The following FRMD3 variants were observed in gnomAD, a reference collection of about 807,000 sequenced individuals.
FRMD3 encodes the protein FERM domain-containing protein 3.
A neutral mutation model predicts 70.2 loss-of-function variants in FRMD3; 33 were observed. That is an observed-to-expected ratio of 0.47 (90% CI 0.36 to 0.63). FRMD3 has a LOEUF of 0.63. Among genes scored for constraint, FRMD3 ranks in the 20% least tolerant of loss-of-function variants. FRMD3 has a pLI of 0.00. For missense variants in FRMD3, 632 were observed against 711.4 expected, an observed-to-expected ratio of 0.89 and a Z score of 1.27; for synonymous variants, 279 against 255.9, an observed-to-expected ratio of 1.09 and a Z score of -0.86.
chr9:83,255,180 CCA>C (rs371832157), intron 13 of FRMD3, among the ~76,000 whole-genome samples: 124 of 152,240 alleles, frequency 8.1e-4, no homozygotes, highest in African/African-American at 2.9e-3. Flanking sequence ...GGCTTATCCA[CCA>C]CAGTCAAGTT....
chr9:83,327,075 T>G (rs1836047391), intron 6 of FRMD3, among the ~76,000 whole-genome samples: 1 of 152,228 alleles, frequency 6.6e-6, no homozygotes, highest in Admixed American at 6.5e-5. Context: ...AGCAATGAGC[T>G]GGACTGCTTG....
intron 1 of FRMD3, among the ~76,000 whole-genome samples, chr9:83,397,853 G>A (rs1451988486): frequency 1.3e-5 from 2 of 152,138 alleles, no homozygotes; most frequent in Non-Finnish European, 2.9e-5. Context: ...TCCATGAGGA[G>A]CTTCAAACCA....
At chr9:83,269,577 C>T (rs1199009211) in intron 13 of FRMD3, among the ~76,000 whole-genome samples, 7 of 152,110 alleles carry the variant, frequency 4.6e-5, no homozygotes, top group South Asian at 2.1e-4. Context: ...GGCGTGGTGG[C>T]GGGCACCTGT....
intron 13 of FRMD3, among the ~76,000 whole-genome samples, chr9:83,277,744 T>A (rs2118875713): frequency 6.6e-6 from 1 of 152,318 alleles, no homozygotes; most frequent in Middle Eastern, 3.4e-3. Context: ...AGGAGAATAT[T>A]CTACTTGTAT....
intron 4 of FRMD3, among the ~76,000 whole-genome samples, chr9:83,344,824 A>AGTGT (rs35538787): frequency 0.028 from 4,012 of 144,020 alleles, 153 homozygotes; most frequent in African/African-American, 0.084. Flanking sequence ...TGCATGTGTG[A>AGTGT]GTGTGTGTGT....
chr9:83,264,634 A>G (rs1332535460), intron 13 of FRMD3, among the ~76,000 whole-genome samples: 1 of 152,236 alleles, frequency 6.6e-6, no homozygotes, highest in Non-Finnish European at 1.5e-5. Flanking sequence ...TTCTAAAAGT[A>G]TAACTTCCTT....
chr9:83,549,439 G>A, the FRMD3 span, among the ~76,000 whole-genome samples: 4 of 152,120 alleles, frequency 2.6e-5, no homozygotes, highest in Non-Finnish European at 5.9e-5. Flanking sequence ...CTTTATGGTA[G>A]AATGCTTTAT....
chr9:83,294,280 G>A (rs1834568132), intron 12 of FRMD3, among the ~76,000 whole-genome samples: 1 of 152,196 alleles, frequency 6.6e-6, no homozygotes, highest in Non-Finnish European at 1.5e-5. Context: ...CTGGTGTCTT[G>A]ATCTTGGACT....
intron 10 of FRMD3, among the ~76,000 whole-genome samples, chr9:83,301,961 A>C (rs1015943668): frequency 1.3e-5 from 2 of 152,236 alleles, no homozygotes; most frequent in African/African-American, 2.4e-5. Flanking sequence ...GCCTCAGAGC[A>C]TTCCCACGAA....
the FRMD3 span, among the ~76,000 whole-genome samples, chr9:83,562,760 C>T: frequency 6.6e-6 from 1 of 152,062 alleles, no homozygotes; most frequent in Non-Finnish European, 1.5e-5. Flanking sequence ...GTTAAACTTG[C>T]AATACTAATA....
At chr9:83,449,576 C>T (rs1483221151) in intron 1 of FRMD3, among the ~76,000 whole-genome samples, 1 of 152,192 alleles carries the variant, frequency 6.6e-6, no homozygotes, top group African/African-American at 2.4e-5. Flanking sequence ...AGAACCCAGG[C>T]CTCTGGCTCC....
intron 1 of FRMD3, among the ~76,000 whole-genome samples, chr9:83,396,610 A>C (rs1825817989): frequency 6.6e-6 from 1 of 152,154 alleles, no homozygotes; most frequent in Non-Finnish European, 1.5e-5. Flanking sequence ...ATACTTTACG[A>C]GGGCTTCTGG....
intron 3 of FRMD3, chr9:83,350,768 G>C (rs1388812297): frequency 2.0e-6 from 2 of 979,520 alleles, no homozygotes; most frequent in Non-Finnish European, 2.4e-6. Context: ...CATGATTCTG[G>C]AGTGTTCTAA....
At chr9:83,447,555 A>G (rs1366883796) in intron 1 of FRMD3, among the ~76,000 whole-genome samples, 1 of 150,200 alleles carries the variant, frequency 6.7e-6, no homozygotes, top group Non-Finnish European at 1.5e-5. Context: ...GAGTTCTGTC[A>G]TGGGGGCAGT....
chr9:83,470,125 AG>A (rs1828232974), intron 1 of FRMD3, among the ~76,000 whole-genome samples: 1 of 152,212 alleles, frequency 6.6e-6, no homozygotes, highest in Non-Finnish European at 1.5e-5. Flanking sequence ...TTTTTAAATA[AG>A]GAGAGGTTCT....
At chr9:83,357,289 A>G (rs1231255927) in intron 3 of FRMD3, among the ~76,000 whole-genome samples, 1 of 82,968 alleles carries the variant, frequency 1.2e-5, no homozygotes, top group East Asian at 4.5e-4. Context: ...ATATATATAT[A>G]TATATATAAA....
At chr9:83,316,126 A>G (rs1048808314) in intron 6 of FRMD3, among the ~76,000 whole-genome samples, 3 of 147,892 alleles carry the variant, frequency 2.0e-5, no homozygotes, top group African/African-American at 7.5e-5. Flanking sequence ...ATTGACATAT[A>G]TGCCACCTTA....
chr9:83,491,510 G>A (rs1024097887), intron 1 of FRMD3, among the ~76,000 whole-genome samples: 3 of 152,116 alleles, frequency 2.0e-5, no homozygotes, highest in Non-Finnish European at 4.4e-5. Context: ...CAAGCCTTTC[G>A]ACCACCTGGG....
At chr9:83,274,487 TGA>T (rs1833728532) in intron 13 of FRMD3, among the ~76,000 whole-genome samples, 1 of 152,140 alleles carries the variant, frequency 6.6e-6, no homozygotes, top group Non-Finnish European at 1.5e-5. Context: ...AGGAGCCACT[TGA>T]GAAATCAGTA....
Sources: allele counts gnomAD v4.1 joint callset (sites outside exome capture counted in the v4.1 genomes callset), GRCh38; gene constraint gnomAD v4.1.1; transcripts MANE v1.5; gene names NCBI Gene and HGNC (gene_info 2026-07-23, HGNC 2026-07-21).